The following TRABD2B variants were observed in gnomAD, a reference collection of about 807,000 sequenced individuals.
TRABD2B encodes TraB domain containing 2B.
A neutral mutation model predicts 40.1 loss-of-function variants in TRABD2B; 14 were observed. The observed-to-expected ratio is 0.35, with a 90% CI of 0.23 to 0.55. The LOEUF (loss-of-function observed/expected upper bound fraction) is 0.55. Ranked by LOEUF, TRABD2B falls within the 20% of genes least tolerant of loss-of-function variation. The pLI is 0.90. For missense variants in TRABD2B, 541 were observed against 648.6 expected, an observed-to-expected ratio of 0.83 and a Z score of 1.80; for synonymous variants, 263 against 277.0, an observed-to-expected ratio of 0.95 and a Z score of 0.50.
intron 2 of TRABD2B, chr1:47,820,162 ATGTT>A (rs1388018194): frequency 6.6e-6 from 1 of 152,182 alleles, no homozygotes; most frequent in Admixed American, 6.5e-5. Flanking sequence ...GAGGGCAGGA[ATGTT>A]TGTTTTGTTC....
Position 47,994,083 on chromosome 1 carries a change from T to A in TRABD2B, c.617A>T (p.Gln206Leu). The change falls in exon 2 of 7, where the codon CAG becomes CTG. Residue 206 changes from glutamine (Q) to leucine (L), a missense_variant. By Grantham distance (113) the Gln-to-Leu change is moderately radical (BLOSUM62 -2). Coordinates refer to ENST00000606738, the MANE Select transcript of TRABD2B (RefSeq NM_001194986.2). This position sits in a 1 kb window ranked among gnomAD's most constrained non-coding sequence, Gnocchi z 6.7. ...KMKKTTGAVE[Q>L]VEEQCHPLNN... ...GAGGGGATGGCACTGCTCCTCCACC[T>A]GCTCCACAGCCCCTGTGGTCTTCTT... 6.5e-7 allele frequency: 1 copy of A among 1,536,232 alleles called. No homozygotes were observed. Among genetic ancestry groups the A allele is most frequent in the Non-Finnish European group, 8.7e-7 (1 of 1,146,932 alleles).
intron 2 of TRABD2B, among the ~76,000 whole-genome samples, chr1:47,843,322 A>G (rs1339377011): frequency 1.3e-5 from 2 of 152,210 alleles, no homozygotes; most frequent in African/African-American, 4.8e-5. Flanking sequence ...GGCTTATGAG[A>G]GAAGGGGAGA....
intron 2 of TRABD2B, among the ~76,000 whole-genome samples, chr1:47,918,627 G>A (rs1281755415): frequency 1.3e-5 from 2 of 152,146 alleles, no homozygotes; most frequent in South Asian, 2.1e-4. Context: ...AGGGGTAGAG[G>A]AGACCACGTG....
At chr1:47,955,948 T>G (rs1645414953) in intron 2 of TRABD2B, among the ~76,000 whole-genome samples, 1 of 152,188 alleles carries the variant, frequency 6.6e-6, no homozygotes, top group African/African-American at 2.4e-5. Flanking sequence ...GTCTCCTTGC[T>G]TGGCACATAG....
rs903300923 is a variant in TRABD2B at position 47,778,589 on chromosome 1, C to T, written c.989-45G>A. 5.6e-6 allele frequency: 8 copies of T among 1,439,386 alleles called. No homozygotes were observed. The Admixed American group carries it at 9.8e-5, about 18-fold the overall frequency. 89.2% of individuals were successfully genotyped at this position (1,439,386 alleles called of 1,614,324 possible). The stretch of plus-strand genomic sequence containing the variant: ...AGGGGCTCAGCCACATGCCAGGCCA[C>T]CGGCCACAGGGGACTGCCCCAGGCC... On this transcript the variant is annotated intron_variant, in intron 4 of 6. Transcript: ENST00000606738.
chr1:47,870,701 T>G (rs1457806838), intron 2 of TRABD2B, among the ~76,000 whole-genome samples: 4 of 152,138 alleles, frequency 2.6e-5, no homozygotes, highest in African/African-American at 9.7e-5. Context: ...CAGGGTCTAG[T>G]GTGGGACACA....
chr1:47,879,219 C>A (rs965004221), intron 2 of TRABD2B, among the ~76,000 whole-genome samples: 4 of 151,926 alleles, frequency 2.6e-5, no homozygotes, highest in Non-Finnish European at 4.4e-5. Flanking sequence ...ATTTAAAAAA[C>A]ACACATACAT....
chr1:47,922,051 C>T (rs115378083), intron 2 of TRABD2B, among the ~76,000 whole-genome samples: 1 of 152,322 alleles, frequency 6.6e-6, no homozygotes, highest in Non-Finnish European at 1.5e-5. Context: ...AGGCTCAGGG[C>T]TGTCCATCTG....
intron 2 of TRABD2B, among the ~76,000 whole-genome samples, chr1:47,850,502 C>T (rs1459745942): frequency 3.3e-5 from 5 of 152,236 alleles, no homozygotes; most frequent in African/African-American, 9.6e-5. Flanking sequence ...TTCATAGGTG[C>T]TCTCCACCCT....
intron 4 of TRABD2B, among the ~76,000 whole-genome samples, chr1:47,790,938 G>C (rs1375892203): frequency 2.6e-5 from 4 of 152,232 alleles, no homozygotes; most frequent in African/African-American, 7.2e-5. Context: ...ATGAGGGACT[G>C]AGGCCCTTGG....
intron 2 of TRABD2B, among the ~76,000 whole-genome samples, chr1:47,843,005 T>C (rs921015119): frequency 6.6e-6 from 1 of 151,844 alleles, no homozygotes; most frequent in African/African-American, 2.4e-5. Context: ...ACAGAGGTAG[T>C]GTCATGATGA....
intron 2 of TRABD2B, among the ~76,000 whole-genome samples, chr1:47,877,159 G>T (rs1394707120): frequency 6.6e-6 from 1 of 151,814 alleles, no homozygotes; most frequent in Non-Finnish European, 1.5e-5. Context: ...TACAAGCAGG[G>T]GCCCAAAGGA....
Position 47,994,108 on chromosome 1 carries a change from T to C in TRABD2B, c.592A>G (p.Lys198Glu). ...LYLAQQAEKMKKTTGAVEQVE... is the reference protein window; with the variant it reads ...LYLAQQAEKMEKTTGAVEQVE... ...TGCTCCACAGCCCCTGTGGTCTTCT[T>C]CATCTTCTCAGCCTGCTGGGCCAGG... Residue 198 changes from lysine to glutamate, a missense_variant, in exon 2 of 7, where the codon AAG (lysine) becomes GAG (glutamate). Around this residue, in one of 2 missense-constraint regions of TRABD2B, gnomAD observed 369 missense variants for 492.8 expected, o/e 0.75. Transcript: ENST00000606738. This position sits in a 1 kb window ranked among gnomAD's most constrained non-coding sequence, Gnocchi z 6.7. 2 of 1,536,244 alleles carry C rather than the reference T, an allele frequency of 1.3e-6. No individual in the cohort carries two copies. The highest frequency in any genetic ancestry group is 1.7e-6 in the Non-Finnish European group (2 of 1,146,932).
intron 2 of TRABD2B, among the ~76,000 whole-genome samples, chr1:47,808,870 A>G (rs1163092007): frequency 6.6e-6 from 1 of 152,174 alleles, no homozygotes; most frequent in African/African-American, 2.4e-5. Flanking sequence ...CCAGTCTTTG[A>G]GGCCCAGGTT....
chr1:47,856,818 C>G (rs533885134), intron 2 of TRABD2B, among the ~76,000 whole-genome samples: 1 of 152,246 alleles, frequency 6.6e-6, no homozygotes, highest in Non-Finnish European at 1.5e-5. Context: ...AGATCTTTAT[C>G]TTGATAAATG....
Position 47,760,560 on chromosome 1 carries a change from T to C in TRABD2B, c.*5342A>G, listed in dbSNP as rs531451799. The C allele has an allele frequency of 1.3e-5, 2 of 152,378 alleles. No individual in the cohort carries two copies. Among genetic ancestry groups the C allele is most frequent in the Admixed American group, 1.3e-4 (2 of 15,308 alleles). 9.4% of individuals were successfully genotyped at this position (152,378 alleles called of 1,614,324 possible). On this transcript the variant is annotated 3_prime_UTR_variant, in exon 7 of 7. Coordinates refer to ENST00000606738, the MANE Select transcript of TRABD2B (RefSeq NM_001194986.2). The stretch of plus-strand genomic sequence containing the variant: ...CATAATATCTTTTATTAATATATTA[T>C]GCTACAAAAATATTTTTGGCAAAAT...
Position 47,763,193 on chromosome 1 carries a change from T to C in TRABD2B, c.*2709A>G, listed in dbSNP as rs1197384581. On this transcript the variant is annotated 3_prime_UTR_variant, in exon 7 of 7. Coordinates refer to ENST00000606738, the MANE Select transcript of TRABD2B (RefSeq NM_001194986.2). ...CAAGTGCCCCAGACATGCAGATTCC[T>C]GCATATGTGCCTCAAGTCTTTTGGG... 6.6e-6 allele frequency: 1 copy of C among 152,250 alleles called. No individual in the cohort carries two copies. Among genetic ancestry groups the C allele is most frequent in the Non-Finnish European group, 1.5e-5 (1 of 68,062 alleles). 9.4% of individuals were successfully genotyped at this position (152,250 alleles called of 1,614,324 possible). A position where few individuals can be genotyped will look rare whatever the true frequency, so the allele number is the denominator to read the frequency against.
intron 2 of TRABD2B, among the ~76,000 whole-genome samples, chr1:47,923,971 T>C (rs113449840): frequency 7.8e-6 from 1 of 128,544 alleles, no homozygotes; most frequent in Non-Finnish European, 1.7e-5. Context: ...CACACACACA[T>C]CCTATTAGTT....
At chr1:47,850,212 G>A (rs1397625357) in intron 2 of TRABD2B, among the ~76,000 whole-genome samples, 1 of 152,218 alleles carries the variant, frequency 6.6e-6, no homozygotes, top group Non-Finnish European at 1.5e-5. Context: ...AGCTGGCCCA[G>A]TCCCTCTCAG....
Sources: gnomAD v4.1 joint callset for allele counts (sites outside exome capture counted in the v4.1 genomes callset) on GRCh38, gnomAD v4.1.1 for gene constraint, gnomAD v4.1.1 regional missense constraint, Gnocchi (gnomAD v3.1) non-coding constraint, MANE v1.5 for transcripts, NCBI Gene and HGNC (gene_info 2026-07-23, HGNC 2026-07-21) for gene names.